TENM2: variants seen among roughly 807,000 people sequenced by gnomAD.
TENM2 encodes teneurin-2.
A neutral mutation model predicts 245.2 loss-of-function variants in TENM2; 52 were observed. The observed-to-expected ratio is 0.21, with a 90% CI of 0.17 to 0.27. The LOEUF (loss-of-function observed/expected upper bound fraction) is 0.27, where lower values mean the gene tolerates loss of function less well. TENM2 is among the 10% of genes least tolerant of loss of function. TENM2 has a pLI of 1.00. For synonymous variants in TENM2, 1,363 were observed against 1,438.9 expected, an observed-to-expected ratio of 0.95 and a Z score of 1.19; for missense variants, 3,046 against 3,666.8, an observed-to-expected ratio of 0.83 and a Z score of 4.37.
At chr5:167,977,117 A>G (rs1224952473) in intron 4 of TENM2, among the ~76,000 whole-genome samples, 1 of 152,168 alleles carries the variant, frequency 6.6e-6, no homozygotes, top group African/African-American at 2.4e-5. Flanking sequence ...CTAAATGATG[A>G]GATGAGAACA....
intron 2 of TENM2, among the ~76,000 whole-genome samples, chr5:167,657,470 A>T (rs1317273923): frequency 6.6e-6 from 1 of 152,162 alleles, no homozygotes; most frequent in African/African-American, 2.4e-5. Context: ...TCTTCCATAC[A>T]CTAGTTTCCT....
At chr5:167,023,398 T>A in the TENM2 span, among the ~76,000 whole-genome samples, 1 of 152,234 alleles carries the variant, frequency 6.6e-6, no homozygotes, top group African/African-American at 2.4e-5. Flanking sequence ...CATACCTGGA[T>A]GAATGTAATC....
chr5:167,976,223 G>C (rs958740727), intron 4 of TENM2, among the ~76,000 whole-genome samples: 5 of 151,912 alleles, frequency 3.3e-5, no homozygotes, highest in Non-Finnish European at 7.4e-5. Flanking sequence ...TGGTTGGTTG[G>C]TTGTTTTTTC....
At chr5:168,262,116 T>A in exon 29 of TENM2, 1 of 1,613,714 alleles carries the variant, frequency 6.2e-7, no homozygotes, top group Non-Finnish European at 8.5e-7. Flanking sequence ...GAAGGACAGG[T>A]CATTACTAAA....
chr5:168,238,178 AGAGAGAGGGAGGGAGG>A lies in TENM2; in HGVS notation c.5521-6238_5521-6223del, dbSNP rs1350327568. Among the ~76,000 whole-genome samples the A allele has an allele frequency of 1.7e-3, 120 of 69,774 alleles. 13 individuals are homozygous for A. Among genetic ancestry groups the A allele is most frequent in the African/African-American group, 0.013 (111 of 8,698 alleles). 45.8% of individuals were successfully genotyped at this position (69,774 alleles called of 152,430 possible). A position where few individuals can be genotyped will look rare whatever the true frequency, so the allele number is the denominator to read the frequency against. ...AAGAAAGAGAGAGAGAGAGAGAGAG[AGAGAGAGGGAGGGAGG>A]GAGGGAGGGAGGGAGGGAGGGAGAG... On this transcript the variant is annotated intron_variant, in intron 25 of 28. Coordinates refer to ENST00000518659, the Ensembl canonical transcript of TENM2.
the TENM2 span, among the ~76,000 whole-genome samples, chr5:167,174,611 G>A: frequency 3.7e-4 from 57 of 152,040 alleles, no homozygotes; most frequent in African/African-American, 1.3e-3. Flanking sequence ...TATATATAAT[G>A]AACACTTCAA....
In TENM2 at chr5:168,260,274, C is replaced by G; in HGVS notation, c.7433-9C>G. On this transcript the variant is annotated splice_polypyrimidine_tract_variant and intron_variant, in intron 27 of 28. Coordinates refer to ENST00000518659, the Ensembl canonical transcript of TENM2. Reference sequence around the variant, plus strand: ...TTTCAGAAACCTTTATTTTTGTTTTCCACCATAGATGTGAAAAGCTGGCTT... The same window carrying G: ...TTTCAGAAACCTTTATTTTTGTTTTGCACCATAGATGTGAAAAGCTGGCTT... 2 of 1,613,472 alleles carry G rather than the reference C, an allele frequency of 1.2e-6. No homozygotes were observed. The highest frequency in any genetic ancestry group is 1.7e-6 in the Non-Finnish European group (2 of 1,179,700).
At chr5:167,701,340 T>A (rs1456529392) in intron 2 of TENM2, among the ~76,000 whole-genome samples, 1 of 152,094 alleles carries the variant, frequency 6.6e-6, no homozygotes, top group Non-Finnish European at 1.5e-5. Flanking sequence ...ATGAACTGGT[T>A]TGAAAGGTAG....
At chr5:168,064,658 C>T (rs924811723) in intron 7 of TENM2, among the ~76,000 whole-genome samples, 5 of 152,230 alleles carry the variant, frequency 3.3e-5, no homozygotes, top group Admixed American at 3.3e-4. Context: ...AGTGATTGTC[C>T]TCTCAAAATA....
At chr5:167,115,276 AG>A in the TENM2 span, among the ~76,000 whole-genome samples, 1 of 152,138 alleles carries the variant, frequency 6.6e-6, no homozygotes, top group East Asian at 1.9e-4. Context: ...GATTTCTGAG[AG>A]GGGAGAAATT....
chr5:167,023,928 G>T, the TENM2 span, among the ~76,000 whole-genome samples: 2 of 152,170 alleles, frequency 1.3e-5, no homozygotes, highest in African/African-American at 2.4e-5. Flanking sequence ...AATTATTTAA[G>T]AAGGCTTGCT....
intron 2 of TENM2, among the ~76,000 whole-genome samples, chr5:167,409,624 T>A (rs1197193388): frequency 6.6e-6 from 1 of 152,046 alleles, no homozygotes; most frequent in Non-Finnish European, 1.5e-5. Flanking sequence ...GGATTATAGA[T>A]GATTTTATTT....
intron 2 of TENM2, among the ~76,000 whole-genome samples, chr5:167,462,204 A>C (rs6876770): frequency 8.7e-6 from 1 of 114,336 alleles, no homozygotes; most frequent in Admixed American, 1.0e-4. Flanking sequence ...ATTGCAGGAC[A>C]TGCAACAGGG....
chr5:167,832,538 GTTAA>G (rs1768595861), intron 2 of TENM2, among the ~76,000 whole-genome samples: 1 of 152,222 alleles, frequency 6.6e-6, no homozygotes, highest in Admixed American at 6.5e-5. Flanking sequence ...TATGTAAGAT[GTTAA>G]TTCATTATGT....
At chr5:168,095,769 T>C (rs915479403) in intron 8 of TENM2, among the ~76,000 whole-genome samples, 5 of 152,198 alleles carry the variant, frequency 3.3e-5, no homozygotes, top group African/African-American at 1.2e-4. Flanking sequence ...GATCTTACCC[T>C]AATTGCAAGC....
At chr5:167,760,051 T>C (rs1762561696) in intron 2 of TENM2, among the ~76,000 whole-genome samples, 1 of 152,226 alleles carries the variant, frequency 6.6e-6, no homozygotes, top group Non-Finnish European at 1.5e-5. Flanking sequence ...TCTACATCTC[T>C]GGGTAGTCAC....
At chr5:167,782,427 C>T (rs1175598417) in intron 2 of TENM2, among the ~76,000 whole-genome samples, 1 of 151,580 alleles carries the variant, frequency 6.6e-6, no homozygotes, top group African/African-American at 2.4e-5. Flanking sequence ...GCAAATCCTG[C>T]TTTAGATGGC....
intron 1 of TENM2, among the ~76,000 whole-genome samples, chr5:167,354,140 A>G (rs1759159040): frequency 1.3e-5 from 2 of 152,194 alleles, no homozygotes; most frequent in African/African-American, 2.4e-5. Context: ...TTACATGGGT[A>G]AAGACCAGCC....
chr5:167,241,331 A>T, the TENM2 span, among the ~76,000 whole-genome samples: 4 of 152,210 alleles, frequency 2.6e-5, no homozygotes, highest in African/African-American at 7.2e-5. Flanking sequence ...AAACTTGCAC[A>T]TACTTATAGG....
Sources: allele counts gnomAD v4.1 joint callset (sites outside exome capture counted in the v4.1 genomes callset), GRCh38; gene constraint gnomAD v4.1.1; transcripts MANE v1.5; gene names NCBI Gene and HGNC (gene_info 2026-07-23, HGNC 2026-07-21).